The following IQCJ variants were observed in gnomAD, a reference collection of about 807,000 sequenced individuals.
IQCJ encodes the protein IQ domain-containing protein J.
IQCJ carries 9 observed loss-of-function variants against 11.0 expected under a neutral mutation model. The ratio of observed to expected loss-of-function variants is 0.82; its 90% CI spans 0.49 to 1.43. IQCJ has a LOEUF of 1.43. Ranked by LOEUF, IQCJ falls within the 40% of genes most tolerant of loss-of-function variation. The pLI, the probability that IQCJ is intolerant of heterozygous loss-of-function variation, is 0.00. For synonymous variants in IQCJ, 55 were observed against 51.3 expected (o/e 1.07, Z -0.31); for missense variants, 146 against 133.2 (o/e 1.10, Z -0.47).
chr3:159,244,642 C>T (rs1727139798), intron 1 of IQCJ, among the ~76,000 whole-genome samples: 1 of 152,086 alleles, frequency 6.6e-6, no homozygotes, highest in South Asian at 2.1e-4. Context: ...CAGGATTTTG[C>T]TGATGACAGA....
chr3:159,217,670 C>A (rs563476492), intron 1 of IQCJ, among the ~76,000 whole-genome samples: 64 of 152,258 alleles, frequency 4.2e-4, no homozygotes, highest in African/African-American at 1.5e-3. Context: ...GTTTCCACTG[C>A]CAAGACATTC....
chr3:159,149,833 C>T (rs1292388408), intron 1 of IQCJ, among the ~76,000 whole-genome samples: 1 of 152,166 alleles, frequency 6.6e-6, no homozygotes, highest in Non-Finnish European at 1.5e-5. Flanking sequence ...AAACAAGGCT[C>T]TTTAGGGAGG....
chr3:159,104,890 T>C (rs1285907012), intron 1 of IQCJ, among the ~76,000 whole-genome samples: 1 of 152,238 alleles, frequency 6.6e-6, no homozygotes, highest in Admixed American at 6.5e-5. Flanking sequence ...GAAACCAAGG[T>C]CACACATTGT....
intron 1 of IQCJ, among the ~76,000 whole-genome samples, chr3:159,186,679 A>G (rs1723387920): frequency 6.6e-6 from 1 of 152,146 alleles, no homozygotes; most frequent in African/African-American, 2.4e-5. Flanking sequence ...GGTGACTGTT[A>G]TTGTTCTGTC....
chr3:159,208,932 C>G (rs1179514861), intron 1 of IQCJ, among the ~76,000 whole-genome samples: 1 of 152,122 alleles, frequency 6.6e-6, no homozygotes, highest in Non-Finnish European at 1.5e-5. Context: ...GGAATGATGT[C>G]AACACATGCC....
chr3:159,092,953 T>G (rs1231732632), intron 1 of IQCJ, among the ~76,000 whole-genome samples: 3 of 151,732 alleles, frequency 2.0e-5, no homozygotes, highest in Admixed American at 6.6e-5. Flanking sequence ...GCTGATAAAA[T>G]TGGTTTAGAC....
intron 1 of IQCJ, among the ~76,000 whole-genome samples, chr3:159,116,086 A>G (rs1718979043): frequency 6.6e-6 from 1 of 152,076 alleles, no homozygotes; most frequent in Admixed American, 6.6e-5. Flanking sequence ...AAATAAATAA[A>G]TACTGGGCAT....
intron 1 of IQCJ, among the ~76,000 whole-genome samples, chr3:159,234,677 A>G (rs1246018251): frequency 6.6e-6 from 1 of 152,144 alleles, no homozygotes; most frequent in Non-Finnish European, 1.5e-5. Flanking sequence ...ACTTAAAGAA[A>G]AGCAATTAGG....
chr3:159,207,616 G>T (rs1468409299), intron 1 of IQCJ, among the ~76,000 whole-genome samples: 1 of 152,164 alleles, frequency 6.6e-6, no homozygotes, highest in Non-Finnish European at 1.5e-5. Context: ...AGGCCTAATG[G>T]AGTCATATTC....
chr3:159,188,525 C>T lies in IQCJ; in HGVS notation c.10-57318C>T, dbSNP rs77147904. On this transcript the variant is annotated intron_variant, in intron 1 of 3. Transcript: ENST00000397832. ...GAGCACATAGAGTTCCCATATTTCC[C>T]CTATTCCCAGTCCCAATTTCCCCTA... 9.2e-3 allele frequency among the ~76,000 whole-genome samples: 1,407 copies of T among 152,216 alleles called. 23 individuals carry two copies. The highest frequency in any genetic ancestry group is 0.032 in the African/African-American group (1,330 of 41,520).
chr3:159,107,090 A>T (rs1718311249), intron 1 of IQCJ, among the ~76,000 whole-genome samples: 2 of 152,110 alleles, frequency 1.3e-5, no homozygotes, highest in Non-Finnish European at 2.9e-5. Flanking sequence ...TTCTTTCTCA[A>T]GTAAAACTCT....
Position 159,103,701 on chromosome 3 carries a change from C to T in IQCJ, c.9+34260C>T, listed in dbSNP as rs1577009522. On this transcript the variant is annotated intron_variant, in intron 1 of 3. Coordinates refer to ENST00000397832, the MANE Select transcript of IQCJ (RefSeq NM_001042706.3). ...AATCATTCCAGTGCTGACATTTAAT[C>T]ACCCACTTGTCCATGGTGTTTCACA... Among the ~76,000 whole-genome samples, 4 of 152,218 alleles carry T rather than the reference C, an allele frequency of 2.6e-5. No homozygotes were observed. In the South Asian group the frequency reaches 8.3e-4, roughly 32 times the overall value.
chr3:159,116,624 A>G (rs1308945167), intron 1 of IQCJ, among the ~76,000 whole-genome samples: 7 of 16,254 alleles, frequency 4.3e-4, no homozygotes, highest in African/African-American at 1.3e-3. Flanking sequence ...GTATATATAT[A>G]TATATATATA....
intron 1 of IQCJ, among the ~76,000 whole-genome samples, chr3:159,221,313 C>T (rs1303717420): frequency 6.6e-6 from 1 of 152,052 alleles, no homozygotes; most frequent in Non-Finnish European, 1.5e-5. Context: ...ATATAAGGTG[C>T]CTGGCATGAA....
intron 1 of IQCJ, among the ~76,000 whole-genome samples, chr3:159,195,686 C>T (rs1394490652): frequency 1.3e-5 from 2 of 152,218 alleles, no homozygotes; most frequent in African/African-American, 2.4e-5. Context: ...TCTTCAGCAT[C>T]CTGGTATAGA....
chr3:159,127,458 CA>C (rs1559995624), intron 1 of IQCJ, among the ~76,000 whole-genome samples: 1 of 152,148 alleles, frequency 6.6e-6, no homozygotes, highest in Non-Finnish European at 1.5e-5. Context: ...TATCCTGGTA[CA>C]AAGTAAGAGC....
intron 1 of IQCJ, among the ~76,000 whole-genome samples, chr3:159,182,853 A>T (rs771499167): frequency 1.3e-5 from 2 of 151,516 alleles, no homozygotes; most frequent in African/African-American, 4.9e-5. Context: ...TCAGGGGTCA[A>T]TCTTTAACTA....
At chr3:159,211,465 T>C (rs1465801006) in intron 1 of IQCJ, among the ~76,000 whole-genome samples, 1 of 152,198 alleles carries the variant, frequency 6.6e-6, no homozygotes, top group Non-Finnish European at 1.5e-5. Context: ...CTTTTCCCTC[T>C]CAAAGGTGTC....
intron 1 of IQCJ, among the ~76,000 whole-genome samples, chr3:159,211,066 T>C (rs1031243955): frequency 1.3e-5 from 2 of 152,246 alleles, no homozygotes; most frequent in African/African-American, 4.8e-5. Flanking sequence ...AATATTTTAC[T>C]GAATTTGAAT....
Sources: gnomAD v4.1 joint callset for allele counts (sites outside exome capture counted in the v4.1 genomes callset) on GRCh38, gnomAD v4.1.1 for gene constraint, MANE v1.5 for transcripts, NCBI Gene and HGNC (gene_info 2026-07-23, HGNC 2026-07-21) for gene names.